SOBP: variants seen among roughly 807,000 people sequenced by gnomAD.
SOBP encodes sine oculis-binding protein homolog.
Under a neutral mutation model 53.6 loss-of-function variants are expected in SOBP, and 4 were observed. The ratio of observed to expected loss-of-function variants is 0.07; its 90% confidence interval spans 0.04 to 0.17. The LOEUF (loss-of-function observed/expected upper bound fraction) is 0.17. Ranked by LOEUF, SOBP falls within the 10% of genes least tolerant of loss-of-function variation. The pLI is 1.00. For missense variants in SOBP, 1,088 were observed against 1,204.7 expected (o/e 0.90, Z 1.43); for synonymous variants, 584 against 522.6 (o/e 1.12, Z -1.60).
At chr6:107,647,113 G>T (rs1410146578) in intron 6 of SOBP, among the ~76,000 whole-genome samples, 1 of 152,134 alleles carries the variant, frequency 6.6e-6, no homozygotes. Flanking sequence ...TGAGGATTTG[G>T]ACAAGTTTTA....
At position 107,583,477 on chromosome 6, in the gene SOBP, C is replaced by T. The variant is rs1023216912; in HGVS notation, c.574-3603C>T. Among the ~76,000 whole-genome samples, 6 of 152,192 alleles carry T rather than the reference C, an allele frequency of 3.9e-5. 1 individual carries two copies. The highest frequency in any genetic ancestry group is 2.0e-4 in the Admixed American group (3 of 15,286). On this transcript the variant is annotated intron_variant, in intron 4 of 6. Coordinates refer to ENST00000317357, the MANE Select transcript of SOBP (RefSeq NM_018013.4). ...TACCAGAAACTAAGAAACAAACAAA[C>T]AAATAATGATAATTTTTGCCCACAA...
intron 3 of SOBP, among the ~76,000 whole-genome samples, chr6:107,526,160 C>T (rs1783655286): frequency 6.6e-6 from 1 of 152,058 alleles, no homozygotes; most frequent in Non-Finnish European, 1.5e-5. Flanking sequence ...ACCATGTTGG[C>T]CAGTCCGGTC....
chr6:107,568,857 A>T (rs1487117471), intron 4 of SOBP, among the ~76,000 whole-genome samples: 5 of 152,314 alleles, frequency 3.3e-5, no homozygotes, highest in Non-Finnish European at 7.3e-5. Flanking sequence ...ACTGAGAGAA[A>T]CCTTCATGCA....
At chr6:107,530,371 A>G (rs902562099) in intron 3 of SOBP, among the ~76,000 whole-genome samples, 7 of 152,270 alleles carry the variant, frequency 4.6e-5, no homozygotes, top group Middle Eastern at 3.4e-3. Flanking sequence ...GTTGAAGTGG[A>G]CTGATCCTTT....
chr6:107,610,796 G>C (rs867899827), intron 5 of SOBP, among the ~76,000 whole-genome samples: 1 of 148,944 alleles, frequency 6.7e-6, no homozygotes, highest in Non-Finnish European at 1.5e-5. Context: ...GTGTGCACAC[G>C]CACACACACA....
chr6:107,588,806 A>G (rs568795167), intron 5 of SOBP, among the ~76,000 whole-genome samples: 1 of 152,302 alleles, frequency 6.6e-6, no homozygotes, highest in South Asian at 2.1e-4. Flanking sequence ...GCTTAAACAC[A>G]TTGTTGTGTT....
intron 4 of SOBP, among the ~76,000 whole-genome samples, chr6:107,553,368 G>A (rs1015704609): frequency 2.0e-5 from 3 of 150,532 alleles, no homozygotes; most frequent in Non-Finnish European, 3.0e-5. Flanking sequence ...TCACTGTGTC[G>A]CCCAGGCCTG....
At chr6:107,656,299 G>A (rs192106801) in intron 6 of SOBP, among the ~76,000 whole-genome samples, 1,878 of 16,778 alleles carry the variant, frequency 0.11, 59 homozygotes, top group East Asian at 0.35. Context: ...AAGAAAGAAA[G>A]AAAGAAAGAA....
intron 5 of SOBP, among the ~76,000 whole-genome samples, chr6:107,632,076 G>A (rs941861764): frequency 6.6e-6 from 1 of 152,158 alleles, no homozygotes; most frequent in African/African-American, 2.4e-5. Flanking sequence ...CATTGTTTAT[G>A]TGACCAATCA....
At chr6:107,617,707 T>C (rs1285069527) in intron 5 of SOBP, among the ~76,000 whole-genome samples, 1 of 151,976 alleles carries the variant, frequency 6.6e-6, no homozygotes, top group African/African-American at 2.4e-5. Context: ...CTCAATTAGC[T>C]GGGGAGCCTG....
intron 6 of SOBP, among the ~76,000 whole-genome samples, chr6:107,648,664 G>T (rs749036653): frequency 1.2e-4 from 19 of 152,154 alleles, no homozygotes; most frequent in Non-Finnish European, 2.5e-4. Flanking sequence ...GCAAAGAAGG[G>T]GGGAGATGGA....
At chr6:107,645,924 G>C (rs1771536730) in intron 6 of SOBP, among the ~76,000 whole-genome samples, 1 of 152,218 alleles carries the variant, frequency 6.6e-6, no homozygotes, top group Admixed American at 6.5e-5. Context: ...GGAACAAAGG[G>C]CTTGACCACA....
In SOBP at chr6:107,567,733, A is replaced by G. The variant is rs533207507; in HGVS notation, c.574-19347A>G. On this transcript the variant is annotated intron_variant, in intron 4 of 6. Transcript: ENST00000317357. ...ATAGTACTTGAAATGCCCCCAGAAT[A>G]CAGACTTTGAGGAAGTCATTTCTTG... 2.2e-4 allele frequency among the ~76,000 whole-genome samples: 33 copies of G among 152,350 alleles called. No homozygotes were observed. In the South Asian group the frequency reaches 6.6e-3, roughly 31 times the overall value.
intron 1 of SOBP, among the ~76,000 whole-genome samples, chr6:107,495,401 C>G (rs150209078): frequency 6.6e-6 from 1 of 152,322 alleles, no homozygotes; most frequent in African/African-American, 2.4e-5. Context: ...CTTTCTCCAT[C>G]CACGAACTGG....
chr6:107,509,156 A>T (rs1414405010), intron 3 of SOBP, among the ~76,000 whole-genome samples: 1 of 152,222 alleles, frequency 6.6e-6, no homozygotes, highest in African/African-American at 2.4e-5. Flanking sequence ...GCACTTTGGG[A>T]GGCTGAGGCG....
rs1771006550 is a variant in SOBP at position 107,635,550 on chromosome 6, A to G, written c.*3+81A>G. The G allele has an allele frequency of 5.7e-6, 9 of 1,567,048 alleles. No individual in the cohort carries two copies. In the Admixed American group the frequency reaches 1.2e-4, roughly 20 times the overall value. Reference sequence around the variant, plus strand: ...CTGACAAGGCAGAGGGGAGAGTTGTAATTATAGTCATGATTTTACCGTGTG... The same window carrying G: ...CTGACAAGGCAGAGGGGAGAGTTGTGATTATAGTCATGATTTTACCGTGTG... On this transcript the variant is annotated intron_variant, in intron 6 of 6. Transcript: ENST00000317357. The surrounding 1 kb of genome is among the most constrained non-coding windows in gnomAD (Gnocchi z 4.5).
intron 4 of SOBP, among the ~76,000 whole-genome samples, chr6:107,558,927 A>G (rs953098217): frequency 1.6e-4 from 25 of 152,118 alleles, no homozygotes; most frequent in Admixed American, 2.6e-4. Flanking sequence ...TAGATATTGT[A>G]TATTTTTTGT....
At chr6:107,639,959 C>T (rs1409047982) in intron 6 of SOBP, among the ~76,000 whole-genome samples, 2 of 152,050 alleles carry the variant, frequency 1.3e-5, no homozygotes, top group Non-Finnish European at 2.9e-5. Context: ...TTTTCCTGGT[C>T]CCAATTCCAT....
At chr6:107,548,440 C>T (rs1784366880) in intron 4 of SOBP, among the ~76,000 whole-genome samples, 1 of 151,980 alleles carries the variant, frequency 6.6e-6, no homozygotes, top group Non-Finnish European at 1.5e-5. Flanking sequence ...GACAGGGTTT[C>T]ATTGTGTTAG....
Sources: allele counts gnomAD v4.1 joint callset (sites outside exome capture counted in the v4.1 genomes callset), GRCh38; gene constraint gnomAD v4.1.1; non-coding constraint Gnocchi (gnomAD v3.1); transcripts MANE v1.5; gene names NCBI Gene and HGNC (gene_info 2026-07-23, HGNC 2026-07-21).